The following NCF2 variants were observed in gnomAD, a reference collection of about 807,000 sequenced individuals.
The protein encoded by NCF2 is neutrophil cytosolic factor 2, also known as neutrophil cytosol factor 2.
Under a neutral mutation model 70.9 loss-of-function variants are expected in NCF2, and 45 were observed. The ratio of observed to expected loss-of-function variants is 0.63; its 90% confidence interval spans 0.50 to 0.81. NCF2 has a LOEUF of 0.81. NCF2 is among the 40% of genes least tolerant of loss of function. The pLI, the probability that NCF2 is intolerant of heterozygous loss-of-function variation, is 0.00. For missense variants in NCF2, 522 were observed against 631.6 expected, an observed-to-expected ratio of 0.83 and a Z score of 1.86; for synonymous variants, 203 against 233.6, an observed-to-expected ratio of 0.87 and a Z score of 1.19.
chr1:183,591,546 G>A (rs1230326574), upstream of NCF2, among the ~76,000 whole-genome samples: 1 of 148,004 alleles, frequency 6.8e-6, no homozygotes, highest in South Asian at 2.1e-4. Context: ...GCAGTGACAC[G>A]ATCTCAGCTC....
chr1:183,556,401 C>T (rs1671782902), intron 14 of NCF2, among the ~76,000 whole-genome samples, 171 bp from the exon 15 acceptor site: 1 of 152,102 alleles, frequency 6.6e-6, no homozygotes, highest in Non-Finnish European at 1.5e-5. Flanking sequence ...AGGGTTTAAC[C>T]ATCTTATTGA....
In NCF2 at chr1:183,560,091, C is replaced by T; in HGVS notation, c.1468+5G>A. On this transcript the variant is annotated splice_donor_5th_base_variant and intron_variant, in intron 14 of 14. Coordinates refer to ENST00000367535, the MANE Select transcript of NCF2 (RefSeq NM_000433.4). Reference sequence around the variant, plus strand: ...TTGTTTCTATAGTCTTGGAGTAGCACTTACCCTTTGATAACACCAGGATTA... The same window carrying T: ...TTGTTTCTATAGTCTTGGAGTAGCATTTACCCTTTGATAACACCAGGATTA... The T allele has an allele frequency of 6.2e-7, 1 of 1,614,010 alleles. No individual in the cohort carries two copies. Among genetic ancestry groups the T allele is most frequent in the Non-Finnish European group, 8.5e-7 (1 of 1,179,874 alleles).
At chr1:183,575,644 C>T (rs1352977213) in intron 3 of NCF2, among the ~76,000 whole-genome samples, 2 of 152,118 alleles carry the variant, frequency 1.3e-5, no homozygotes, top group African/African-American at 4.8e-5. Context: ...GGGGGTGTGA[C>T]ATTTGAGGCT....
At chr1:183,596,107 G>A in the NCF2 span, among the ~76,000 whole-genome samples, 11 of 151,784 alleles carry the variant, frequency 7.2e-5, no homozygotes, top group Non-Finnish European at 1.0e-4. Context: ...TGTAAGCCCC[G>A]AAAATACAAG....
At chr1:183,592,306 T>G (rs12057355), upstream of NCF2, among the ~76,000 whole-genome samples, 28,657 of 152,200 alleles carry the variant, frequency 0.19, 4,539 homozygotes, top group African/African-American at 0.44. Context: ...TTCCCAGCTC[T>G]CTTCTTTGCC....
intron 2 of NCF2, among the ~76,000 whole-genome samples, chr1:183,583,518 G>A (rs1463847873): frequency 2.0e-5 from 3 of 152,150 alleles, no homozygotes; most frequent in Admixed American, 6.5e-5. Flanking sequence ...TCCTTGAAAC[G>A]GAGACTATAT....
rs2102890328 is a variant in NCF2 at position 183,567,131 on chromosome 1, T to TA, written c.855+72dup. 3 of 1,608,622 alleles carry TA rather than the reference T, an allele frequency of 1.9e-6. No homozygotes were observed. The South Asian group carries it at 3.3e-5, about 18-fold the overall frequency. ...GCTGGTCTGCAAAGAAGGCAGCAGA[T>TA]ACTGCTCCACAGAGACTGCATTTGC... On this transcript the variant is annotated intron_variant, in intron 8 of 14. Coordinates refer to ENST00000367535, the MANE Select transcript of NCF2 (RefSeq NM_000433.4).
Position 183,566,957 on chromosome 1 carries a change from G to C in NCF2, c.887C>G (p.Pro296Arg), listed in dbSNP as rs549428558. The C allele has an allele frequency of 1.9e-6, 3 of 1,614,170 alleles. No individual in the cohort carries two copies. The highest frequency in any genetic ancestry group is 2.2e-5 in the South Asian group (2 of 91,082). Reference sequence around the variant, plus strand: ...CTGAGGGTGGATCCGCAGCTCAACTGGTTCAAGGTAGTTGCAGGGAACAAG... The same window carrying C: ...CTGAGGGTGGATCCGCAGCTCAACTCGTTCAAGGTAGTTGCAGGGAACAAG... ...KGLVPCNYLE[P>R]VELRIHPQQQ... is the part of the protein sequence containing the mutation. The change falls in exon 9 of 15, where the codon CCA (proline) becomes CGA (arginine). Residue 296 changes from proline to arginine, a missense_variant. Physicochemically the swap from Pro to Arg is moderately radical, Grantham distance 103. Transcript: ENST00000367535.
In NCF2 at chr1:183,579,520, A is replaced by G. The variant is rs142007716; in HGVS notation, c.258-1813T>C. ...GGCGGGTGGATCACGAGGTCAGGAG[A>G]TCGAGACCATCCTGGCTAAAATGGT... is the stretch of plus-strand genomic sequence containing the variant. On this transcript the variant is annotated intron_variant, in intron 2 of 14. Transcript: ENST00000367535. 7.6e-3 allele frequency among the ~76,000 whole-genome samples: 1,153 copies of G among 152,114 alleles called. 13 individuals carry two copies. The highest frequency in any genetic ancestry group is 0.027 in the African/African-American group (1,108 of 41,504).
At chr1:183,565,660 T>C (rs1215179571) in intron 10 of NCF2, 44 bp downstream of exon 10, 1 of 1,566,448 alleles carries the variant, frequency 6.4e-7, no homozygotes, top group African/African-American at 1.4e-5. Flanking sequence ...CAGCCTGGCA[T>C]GCTGCTGCAC....
rs1366548303 is a variant in NCF2, at chr1:183,555,850, T to C, written c.*268A>G. ...GAAACAGGATCAGTACCTGGAAGAC[T>C]CTCTCGTGCCCTTTCCAGACACTTC... On this transcript the variant is annotated 3_prime_UTR_variant, in exon 15 of 15. Transcript: ENST00000367535. 1.9e-6 allele frequency: 1 copy of C among 529,850 alleles called. No individual in the cohort carries two copies. The allele number at this position is 529,850 out of a possible 1,614,324, so 32.8% of individuals were successfully genotyped here. A position where few individuals can be genotyped will look rare whatever the true frequency, so the allele number is the denominator to read the frequency against.
intron 1 of NCF2, among the ~76,000 whole-genome samples, chr1:183,589,509 G>A (rs555476776): frequency 6.6e-6 from 1 of 152,036 alleles, no homozygotes; most frequent in African/African-American, 2.4e-5. Flanking sequence ...AATAATTATC[G>A]AGAATGCTTA....
chr1:183,577,765 T>C (rs1672864882), intron 2 of NCF2, 58 bp from the exon 3 acceptor site: 2 of 1,228,838 alleles, frequency 1.6e-6, no homozygotes, highest in African/African-American at 3.0e-5. Flanking sequence ...AAATGCAGCA[T>C]AAAATGTGAG....
At position 183,563,580 on chromosome 1, in the gene NCF2, C is replaced by G; in HGVS notation, c.1032G>C (p.Val344=). 6.2e-7 allele frequency: 1 copy of G among 1,613,446 alleles called. No homozygotes were observed. The highest frequency in any genetic ancestry group is 2.2e-5 in the East Asian group (1 of 44,884). The part of the protein sequence containing the change: ...GQKQKEEPKE[V]KLSVPMPYTL... ...TGTAGGGCATGGGAACACTGAGCTT[C>G]ACTTCCTGAGTGGGGAGGAAACAAA... The change falls in exon 12 of 15, where the codon GTG becomes GTC. Residue 344 remains valine, a synonymous_variant. Coordinates refer to ENST00000367535, the MANE Select transcript of NCF2 (RefSeq NM_000433.4).
chr1:183,592,382 T>C (rs10911367), upstream of NCF2, among the ~76,000 whole-genome samples: 70,700 of 151,914 alleles, frequency 0.47, 17,071 homozygotes, highest in African/African-American at 0.58. Flanking sequence ...AATCTAGCCC[T>C]GAACTCTGGG....
chr1:183,589,631 C>G (rs1364966761), intron 1 of NCF2, among the ~76,000 whole-genome samples: 1 of 152,230 alleles, frequency 6.6e-6, no homozygotes. Flanking sequence ...TTCCTCTTGC[C>G]AGCCTCAGCA....
At chr1:183,569,376 C>T (rs1308392051) in intron 6 of NCF2, among the ~76,000 whole-genome samples, 191 bp from the exon 7 acceptor site, 1 of 152,170 alleles carries the variant, frequency 6.6e-6, no homozygotes, top group East Asian at 1.9e-4. Context: ...AATAACACCT[C>T]CCACCAGCTC....
rs372513540 is a variant in NCF2 at position 183,574,639 on chromosome 1, G to A, written c.367-18C>T. 295 of 1,613,850 alleles carry A rather than the reference G, an allele frequency of 1.8e-4. No homozygotes were observed. The African/African-American group carries it at 2.6e-3, about 14-fold the overall frequency. On this transcript the variant is annotated intron_variant, in intron 3 of 14. Transcript: ENST00000367535. ...TATAACACCTAGAAAAGTACAGACC[G>A]CAACATAAAACTTGAGACTACTCCA... is the stretch of plus-strand genomic sequence containing the variant.
chr1:183,583,585 A>G (rs1366863272), intron 2 of NCF2, among the ~76,000 whole-genome samples: 1 of 152,250 alleles, frequency 6.6e-6, no homozygotes, highest in Non-Finnish European at 1.5e-5. Context: ...TATGCTAGAT[A>G]CTGAAATACA....
Sources: gnomAD v4.1 joint callset for allele counts (sites outside exome capture counted in the v4.1 genomes callset) on GRCh38, gnomAD v4.1.1 for gene constraint, MANE v1.5 for transcripts, NCBI Gene and HGNC (gene_info 2026-07-23, HGNC 2026-07-21) for gene names.